FAT3: variants seen among roughly 807,000 people sequenced by gnomAD.
The protein encoded by FAT3 is protocadherin Fat 3.
A neutral mutation model predicts 310.2 loss-of-function variants in FAT3; 95 were observed. The ratio of observed to expected loss-of-function variants is 0.31; its 90% CI spans 0.26 to 0.36. The LOEUF (loss-of-function observed/expected upper bound fraction) is 0.36, where lower values mean the gene tolerates loss of function less well. Ranked by LOEUF, FAT3 falls within the 10% of genes least tolerant of loss-of-function variation. The pLI, the probability that FAT3 is intolerant of heterozygous loss-of-function variation, is 1.00. For synonymous variants in FAT3, 2,314 were observed against 2,192.9 expected (o/e 1.06, Z -1.54); for missense variants, 5,408 against 5,715.6 (o/e 0.95, Z 1.74).
At position 92,890,698 on chromosome 11, in the gene FAT3, C is replaced by T; in HGVS notation, c.13355C>T (p.Pro4452Leu). 4 of 1,613,624 alleles carry T rather than the reference C, an allele frequency of 2.5e-6. No homozygotes were observed. Among genetic ancestry groups the T allele is most frequent in the South Asian group, 1.1e-5 (1 of 91,004 alleles). ...GAGTTCTTGAGTCAGGACCAGCTGCCTCCTCCTCTCCCGGAGGACTTCCCA... is the reference window on the plus strand; with the variant it reads ...GAGTTCTTGAGTCAGGACCAGCTGCTTCCTCCTCTCCCGGAGGACTTCCCA... ...EEEFLSQDQL[P>L]PPLPEDFPDQ... is the part of the protein sequence containing the mutation. Residue 4452 changes from proline to leucine, a missense_variant, in exon 28 of 28, where the codon CCT (proline) becomes CTT (leucine). By Grantham distance (98) the Pro-to-Leu change is moderately conservative. Around this residue, in one of 5 missense-constraint regions of FAT3, gnomAD observed 649 missense variants for 666.2 expected, o/e 0.97. Coordinates refer to ENST00000525166, the MANE Select transcript of FAT3 (RefSeq NM_001367949.2).
chr11:92,761,366 C>T (rs1470911589), intron 4 of FAT3, among the ~76,000 whole-genome samples: 1 of 152,190 alleles, frequency 6.6e-6, no homozygotes, highest in Non-Finnish European at 1.5e-5. Context: ...CTAAAGGCCC[C>T]ACCTCCTAAT....
chr11:92,608,568 C>T (rs564638167), intron 3 of FAT3, among the ~76,000 whole-genome samples: 3 of 152,038 alleles, frequency 2.0e-5, no homozygotes, highest in East Asian at 1.9e-4. Context: ...CTTTCTCAAC[C>T]GCACAATGAA....
Position 92,592,288 on chromosome 11 carries a change from C to G in FAT3, c.3607+67340C>G, listed in dbSNP as rs115828361. 3.6e-3 allele frequency among the ~76,000 whole-genome samples: 539 copies of G among 150,416 alleles called. 3 individuals carry two copies. The highest frequency in any genetic ancestry group is 0.013 in the African/African-American group (516 of 40,938). ...ACTCTTTTGTAAACAAAGATGTTGC[C>G]CAACAATGTATAGGAAATCTCCTAA... On this transcript the variant is annotated intron_variant, in intron 3 of 27. Coordinates refer to ENST00000525166, the MANE Select transcript of FAT3 (RefSeq NM_001367949.2).
chr11:92,886,068 T>G (rs1258812397), intron 24 of FAT3, among the ~76,000 whole-genome samples: 1 of 152,242 alleles, frequency 6.6e-6, no homozygotes, highest in African/African-American at 2.4e-5. Context: ...CATGATGATT[T>G]GCAGCTCTTC....
At position 92,857,302 on chromosome 11, in the gene FAT3, A is replaced by G. The variant is rs1370198311; in HGVS notation, c.11454A>G (p.Arg3818=). 1.2e-6 allele frequency: 2 copies of G among 1,613,798 alleles called. No individual in the cohort carries two copies. Among genetic ancestry groups the G allele is most frequent in the East Asian group, 2.2e-5 (1 of 44,872 alleles). Residue 3818 remains arginine, a synonymous_variant, in exon 20 of 28, where the codon AGA becomes AGG. Transcript: ENST00000525166. ...GTGTCAGTTATGAAGCCAGCAGGAG[A>G]CCGTTCCTCTGCCAGTGTCCACCAG... ...MQCVSYEASR[R]PFLCQCPPGK...
At chr11:92,722,639 C>A (rs71473488) in intron 4 of FAT3, among the ~76,000 whole-genome samples, 53 of 152,336 alleles carry the variant, frequency 3.5e-4, no homozygotes, top group Non-Finnish European at 6.3e-4. Context: ...AGAGGTTCTC[C>A]ATGAGAGCCC....
intron 9 of FAT3, among the ~76,000 whole-genome samples, chr11:92,794,248 A>T (rs538695595): frequency 1.3e-5 from 2 of 152,272 alleles, no homozygotes; most frequent in African/African-American, 4.8e-5. Flanking sequence ...ATATAAGGAA[A>T]CTTTTCCAAA....
chr11:92,799,992 G>T lies in FAT3; in HGVS notation c.6979G>T (p.Val2327Phe). 6.2e-7 allele frequency: 1 copy of T among 1,613,762 alleles called. No individual in the cohort carries two copies. Among genetic ancestry groups the T allele is most frequent in the Non-Finnish European group, 8.5e-7 (1 of 1,179,806 alleles). Reference sequence around the variant, plus strand: ...CAATAAAATGGTACATTATCAGATTGTCCAGGATACCTACAATAGCACAGA... The same window carrying T: ...CAATAAAATGGTACATTATCAGATTTTCCAGGATACCTACAATAGCACAGA... ...ENNKMVHYQI[V>F]QDTYNSTDYF... The change falls in exon 10 of 28, where the codon GTC becomes TTC. Residue 2327 changes from valine (V) to phenylalanine (F), a missense_variant. Physicochemically the swap from Val to Phe is conservative, Grantham distance 50. Around this residue, in one of 5 missense-constraint regions of FAT3, gnomAD observed 4,588 missense variants for 4,809.8 expected, o/e 0.95. Transcript: ENST00000525166.
chr11:92,462,715 C>A (rs1951666078), intron 2 of FAT3, among the ~76,000 whole-genome samples: 1 of 152,160 alleles, frequency 6.6e-6, no homozygotes, highest in Non-Finnish European at 1.5e-5. Flanking sequence ...ATTTCAATAT[C>A]TAATTTATTA....
At position 92,883,408 on chromosome 11, in the gene FAT3, G is replaced by GA; in HGVS notation, c.12937+15_12937+16insA. ...GGGAACTGAGAGTGAGTAGGAAGTG[G>GA]TAATGCTCACCCCTCGGTGCTTACA... On this transcript the variant is annotated intron_variant, in intron 24 of 27. Transcript: ENST00000525166. This position sits in a 1 kb window ranked among gnomAD's most constrained non-coding sequence, Gnocchi z 4.2. 1 of 1,585,750 alleles carries GA rather than the reference G, an allele frequency of 6.3e-7. No individual in the cohort carries two copies. The highest frequency in any genetic ancestry group is 8.6e-7 in the Non-Finnish European group (1 of 1,164,154).
intron 2 of FAT3, among the ~76,000 whole-genome samples, chr11:92,462,541 G>A (rs913291304): frequency 5.9e-5 from 9 of 152,194 alleles, no homozygotes; most frequent in Non-Finnish European, 1.3e-4. Flanking sequence ...GAATCACAAA[G>A]GAAGGTAAAA....
Position 92,765,003 on chromosome 11 carries a change from C to T in FAT3, c.4109C>T (p.Thr1370Ile). 1 of 1,613,912 alleles carries T rather than the reference C, an allele frequency of 6.2e-7. No homozygotes were observed. Among genetic ancestry groups the T allele is most frequent in the Non-Finnish European group, 8.5e-7 (1 of 1,179,856 alleles). Reference protein sequence around the residue: ...LTFDEPFYNFTVMESDRVTEI... With the variant: ...LTFDEPFYNFIVMESDRVTEI... ...TTCGATGAGCCGTTTTATAACTTCA[C>T]AGTCATGGAAAGTGATAGAGTGACT... Residue 1370 changes from threonine (T) to isoleucine (I), a missense_variant, in exon 6 of 28, where the codon ACA becomes ATA. By Grantham distance (89) the Thr-to-Ile change is moderately conservative. This residue lies in a region of FAT3 where 4,588 missense variants were observed against 4,809.8 expected (regional missense o/e 0.95). Coordinates refer to ENST00000525166, the MANE Select transcript of FAT3 (RefSeq NM_001367949.2).
At chr11:92,443,836 T>C (rs148918220) in intron 2 of FAT3, among the ~76,000 whole-genome samples, 43 of 152,046 alleles carry the variant, frequency 2.8e-4, no homozygotes, top group Non-Finnish European at 5.1e-4. Context: ...AGAAGATAAA[T>C]AAGAAGAGGA....
chr11:92,353,530 AG>A lies in FAT3; in HGVS notation c.1419del (p.Gln473HisfsTer9). 2.5e-6 allele frequency: 4 copies of A among 1,613,676 alleles called. No homozygotes were observed. The highest frequency in any genetic ancestry group is 3.4e-6 in the Non-Finnish European group (4 of 1,179,802). ...EDANDHTPEFQQPLYDAYVNE... is the reference protein window; with the variant it reads ...EDANDHTPEFXQPLYDAYVNE... ...GCAAATGACCACACCCCAGAATTTC[AG>A]CAACCACTGTATGATGCTTATGTGA... On this transcript the variant is annotated frameshift_variant, in exon 2 of 28. Transcript: ENST00000525166. LOFTEE classifies it high-confidence loss of function.
chr11:92,286,134 G>A (rs764415474), intron 1 of FAT3, among the ~76,000 whole-genome samples: 5 of 152,090 alleles, frequency 3.3e-5, no homozygotes, highest in Non-Finnish European at 7.4e-5. Context: ...TTCCTAATGC[G>A]AAACTCTCCC....
At chr11:92,748,783 T>C (rs1945745176) in intron 4 of FAT3, 2 of 152,316 alleles carry the variant, frequency 1.3e-5, no homozygotes, top group South Asian at 4.1e-4. Context: ...GCAGACAGTT[T>C]AATACTGCCT....
intron 3 of FAT3, among the ~76,000 whole-genome samples, chr11:92,605,724 T>G (rs887597151): frequency 1.6e-4 from 24 of 148,132 alleles, no homozygotes; most frequent in African/African-American, 5.8e-4. Context: ...GCTATGTTTT[T>G]TTTTTTTTTT....
intron 19 of FAT3, among the ~76,000 whole-genome samples, chr11:92,845,451 G>A (rs1035383600): frequency 6.6e-6 from 1 of 152,264 alleles, no homozygotes; most frequent in East Asian, 1.9e-4. Flanking sequence ...AGAAACAGAG[G>A]CCAGATGTCC....
chr11:92,588,257 C>T, intron 3 of FAT3, among the ~76,000 whole-genome samples: 1 of 151,750 alleles, frequency 6.6e-6, no homozygotes, highest in East Asian at 1.9e-4. Context: ...TATTGCTGCT[C>T]CTTTTTGATG....
Sources: gnomAD v4.1 joint callset for allele counts (sites outside exome capture counted in the v4.1 genomes callset) on GRCh38, gnomAD v4.1.1 for gene constraint, gnomAD v4.1.1 regional missense constraint, Gnocchi (gnomAD v3.1) non-coding constraint, MANE v1.5 for transcripts, NCBI Gene and HGNC (gene_info 2026-07-23, HGNC 2026-07-21) for gene names.